The following UTP6 variants were observed in gnomAD, a reference collection of about 807,000 sequenced individuals.
The protein encoded by UTP6 is U3 small nucleolar RNA-associated protein 6 homolog.
Under a neutral mutation model 96.5 loss-of-function variants are expected in UTP6, and 60 were observed. That is an observed-to-expected ratio of 0.62 (90% CI 0.51 to 0.77). The LOEUF is 0.77. Ranked by LOEUF, UTP6 falls within the 30% of genes least tolerant of loss-of-function variation. The pLI is 0.00. For missense variants in UTP6, 637 were observed against 706.5 expected, an observed-to-expected ratio of 0.90 and a Z score of 1.12; for synonymous variants, 215 against 240.1, an observed-to-expected ratio of 0.90 and a Z score of 0.96.
intron 13 of UTP6, 110 bp from the exon 14 acceptor site, chr17:31,875,523 A>G: frequency 1.6e-6 from 2 of 1,268,638 alleles, no homozygotes; most frequent in Non-Finnish European, 1.1e-6. Context: ...CCTTTCCACT[A>G]CAATTTAAAA....
intron 2 of UTP6, among the ~76,000 whole-genome samples, chr17:31,896,552 A>T (rs1444508484): frequency 6.6e-6 from 1 of 151,860 alleles, no homozygotes; most frequent in East Asian, 1.9e-4. Flanking sequence ...ATATGTGTAT[A>T]TGTAGTTCTA....
chr17:31,885,639 T>C (rs1407140771), intron 9 of UTP6, among the ~76,000 whole-genome samples: 1 of 151,670 alleles, frequency 6.6e-6, no homozygotes, highest in African/African-American at 2.4e-5. Context: ...AATACAAAAA[T>C]TAGCTGGGCA....
At position 31,863,081 on chromosome 17, in the gene UTP6, C is replaced by T. The variant is rs1450006968; in HGVS notation, c.*278G>A. 2.0e-5 allele frequency: 8 copies of T among 403,838 alleles called. No individual in the cohort carries two copies. The highest frequency in any genetic ancestry group is 3.6e-5 in the Non-Finnish European group (8 of 223,378). 25.0% of individuals were successfully genotyped at this position (403,838 alleles called of 1,614,324 possible). On this transcript the variant is annotated 3_prime_UTR_variant, in exon 19 of 19. Transcript: ENST00000261708. Reference sequence around the variant, plus strand: ...CATCAAACTGAGCAGTGTCATGCACCTATAATCCCAGCTACTCAGGAGTCT... The same window carrying T: ...CATCAAACTGAGCAGTGTCATGCACTTATAATCCCAGCTACTCAGGAGTCT...
Position 31,894,888 on chromosome 17 carries a change from C to G in UTP6, c.219+82G>C, listed in dbSNP as rs139358538. ...ATCACCACAGTTTTATCAACACTGTCTCCCAAACACAAGTCCTAACTATAC... is the reference window on the plus strand; with the variant it reads ...ATCACCACAGTTTTATCAACACTGTGTCCCAAACACAAGTCCTAACTATAC... On this transcript the variant is annotated intron_variant, in intron 3 of 18. Transcript: ENST00000261708. The G allele has an allele frequency of 6.2e-5, 84 of 1,349,180 alleles. No individual in the cohort carries two copies. The African/African-American group carries it at 1.1e-3, about 18-fold the overall frequency. 83.6% of individuals were successfully genotyped at this position (1,349,180 alleles called of 1,614,324 possible).
chr17:31,887,392 C>T, intron 7 of UTP6, 79 bp from the exon 8 acceptor site: 1 of 1,173,440 alleles, frequency 8.5e-7, no homozygotes, highest in Non-Finnish European at 1.3e-6. Context: ...CTCTGTCACC[C>T]AAGCTGGAGT....
chr17:31,887,118 G>A (rs529671262), intron 8 of UTP6, 118 bp downstream of exon 8: 49 of 885,644 alleles, frequency 5.5e-5, no homozygotes, highest in African/African-American at 4.8e-4. Context: ...CCGAGACTCC[G>A]TCTCAAAAAA....
At chr17:31,873,775 T>G (rs756375053) in intron 14 of UTP6, 22 bp from the exon 15 acceptor site, 2 of 1,600,294 alleles carry the variant, frequency 1.2e-6, no homozygotes, top group South Asian at 2.3e-5. Flanking sequence ...TTAAAAAATG[T>G]TAGTTAGAGA....
intron 17 of UTP6, among the ~76,000 whole-genome samples, chr17:31,866,873 C>T (rs554767938): frequency 1.5e-3 from 130 of 85,304 alleles, no homozygotes; most frequent in Middle Eastern, 0.029. Flanking sequence ...CAACAGACAG[C>T]AAGACTCTTG....
chr17:31,899,252 G>A (rs1904829058), intron 2 of UTP6, among the ~76,000 whole-genome samples: 1 of 151,972 alleles, frequency 6.6e-6, no homozygotes, highest in Non-Finnish European at 1.5e-5. Context: ...AGCCATGATG[G>A]CACCACTGCA....
At chr17:31,864,256 G>A (rs536315931) in intron 18 of UTP6, among the ~76,000 whole-genome samples, 45 of 152,208 alleles carry the variant, frequency 3.0e-4, no homozygotes, top group African/African-American at 8.4e-4. Context: ...ATGGTGGCAC[G>A]CGTGCCTGTA....
At chr17:31,879,027 CTT>C (rs945072699) in intron 11 of UTP6, among the ~76,000 whole-genome samples, 2 of 152,084 alleles carry the variant, frequency 1.3e-5, no homozygotes, top group Non-Finnish European at 2.9e-5. Context: ...AATTGAAAGC[CTT>C]ATCCAGGTTA....
In UTP6 at chr17:31,892,773, A is replaced by C; in HGVS notation, c.334T>G (p.Ser112Ala). 6.2e-7 allele frequency: 1 copy of C among 1,614,200 alleles called. No homozygotes were observed. The highest frequency in any genetic ancestry group is 8.5e-7 in the Non-Finnish European group (1 of 1,180,042). The change falls in exon 5 of 19, where the codon TCC becomes GCC. Residue 112 changes from serine (S) to alanine (A), a missense_variant. Transcript: ENST00000261708. ...CACTTCTTACAAAAAGCCACATAGG[A>C]GAGCCAAAGTTGAACATCGTCCTGC... ...KWKDDVQLWL[S>A]YVAFCKKWAT... is the part of the protein sequence containing the mutation.
intron 2 of UTP6, among the ~76,000 whole-genome samples, chr17:31,896,453 G>A (rs1379327119): frequency 6.6e-6 from 1 of 152,132 alleles, no homozygotes; most frequent in Non-Finnish European, 1.5e-5. Flanking sequence ...AACTACAAGT[G>A]ATGTTTCCCC....
chr17:31,878,429 A>G lies in UTP6; in HGVS notation c.1048-102T>C, dbSNP rs1297881048. On this transcript the variant is annotated intron_variant, in intron 12 of 18. Coordinates refer to ENST00000261708, the MANE Select transcript of UTP6 (RefSeq NM_018428.3). Reference sequence around the variant, plus strand: ...GTTTTGCGCATTTCTTAAAATTCAAAGAAGCTGACTTGCTCCTGCATGGTG... The same window carrying G: ...GTTTTGCGCATTTCTTAAAATTCAAGGAAGCTGACTTGCTCCTGCATGGTG... 3.4e-6 allele frequency: 4 copies of G among 1,173,978 alleles called. No individual in the cohort carries two copies. The East Asian group carries it at 9.5e-5, about 28-fold the overall frequency. 72.7% of individuals were successfully genotyped at this position (1,173,978 alleles called of 1,614,324 possible). A position where few individuals can be genotyped will look rare whatever the true frequency, so the allele number is the denominator to read the frequency against.
intron 6 of UTP6, 21 bp from the exon 7 acceptor site, chr17:31,889,424 GATTTC>G (rs767091171): frequency 1.3e-6 from 2 of 1,555,138 alleles, no homozygotes; most frequent in African/African-American, 2.7e-5. Flanking sequence ...AAAACCATCA[GATTTC>G]ATTTCAATAA....
At chr17:31,901,310 G>A in intron 1 of UTP6, 1 of 537,068 alleles carries the variant, frequency 1.9e-6, no homozygotes, top group Non-Finnish European at 3.4e-6. Context: ...CCTAAGACCC[G>A]GCTCCATGAA....
At chr17:31,889,193 G>C (rs1466676387) in intron 7 of UTP6, 92 bp downstream of exon 7, 11 of 927,124 alleles carry the variant, frequency 1.2e-5, no homozygotes, top group Middle Eastern at 3.4e-4. Flanking sequence ...AGGCTGAGGC[G>C]TAAGAATTGC....
At chr17:31,870,936 T>C (rs866983361) in intron 16 of UTP6, among the ~76,000 whole-genome samples, 5 of 151,438 alleles carry the variant, frequency 3.3e-5, no homozygotes, top group African/African-American at 1.2e-4. Context: ...TGACTTCAGC[T>C]TCCCAAGTAG....
At chr17:31,892,577 T>C (rs1272193124) in intron 5 of UTP6, among the ~76,000 whole-genome samples, 170 bp downstream of exon 5, 2 of 152,208 alleles carry the variant, frequency 1.3e-5, no homozygotes, top group Non-Finnish European at 2.9e-5. Context: ...TTCAATTGAA[T>C]TGGAAACCAT....
Sources: allele counts gnomAD v4.1 joint callset (sites outside exome capture counted in the v4.1 genomes callset), GRCh38; gene constraint gnomAD v4.1.1; transcripts MANE v1.5; gene names NCBI Gene and HGNC (gene_info 2026-07-23, HGNC 2026-07-21).